SPIRE1: variants seen among roughly 807,000 people sequenced by gnomAD.
SPIRE1 encodes spire type actin nucleation factor 1.
A neutral mutation model predicts 94.1 loss-of-function variants in SPIRE1; 40 were observed. That is an observed-to-expected ratio of 0.43 (90% CI 0.33 to 0.55). The LOEUF is 0.55. SPIRE1 is among the 20% of genes least tolerant of loss of function. SPIRE1 has a pLI of 0.06. For synonymous variants in SPIRE1, 376 were observed against 371.7 expected, an observed-to-expected ratio of 1.01 and a Z score of -0.13; for missense variants, 838 against 975.2, an observed-to-expected ratio of 0.86 and a Z score of 1.87.
At chr18:12,449,939 G>A (rs543448401) in intron 16 of SPIRE1, 43 bp from the exon 17 acceptor site, 64 of 1,577,320 alleles carry the variant, frequency 4.1e-5, no homozygotes, top group Non-Finnish European at 5.2e-5. Context: ...GTTACTTATA[G>A]GTCTGCTGCA....
chr18:12,650,402 G>T (rs147132114), intron 1 of SPIRE1, among the ~76,000 whole-genome samples: 3 of 151,890 alleles, frequency 2.0e-5, no homozygotes, highest in Non-Finnish European at 4.4e-5. Flanking sequence ...TCTAAAAAAC[G>T]ATATAAAAAT....
chr18:12,593,174 A>C (rs560221220), intron 2 of SPIRE1, among the ~76,000 whole-genome samples: 1 of 152,232 alleles, frequency 6.6e-6, no homozygotes, highest in Non-Finnish European at 1.5e-5. Context: ...TTATTGCTTA[A>C]GAGAGGCTTA....
At chr18:12,523,056 A>T (rs2034408494) in intron 4 of SPIRE1, among the ~76,000 whole-genome samples, 1 of 152,238 alleles carries the variant, frequency 6.6e-6, no homozygotes, top group Admixed American at 6.5e-5. Flanking sequence ...CCTTCTGGAA[A>T]GGATTCATCA....
chr18:12,476,251 G>A (rs1302393691), intron 10 of SPIRE1, among the ~76,000 whole-genome samples: 2 of 152,074 alleles, frequency 1.3e-5, no homozygotes, highest in Non-Finnish European at 2.9e-5. Flanking sequence ...ACATTTAGAA[G>A]TTTTCAGCTG....
chr18:12,550,357 C>A (rs2035313271), intron 2 of SPIRE1, among the ~76,000 whole-genome samples: 1 of 152,142 alleles, frequency 6.6e-6, no homozygotes, highest in Admixed American at 6.6e-5. Context: ...GGTAAGGCAG[C>A]AGTTTATGTA....
chr18:12,621,937 G>C (rs1479321496), intron 2 of SPIRE1, among the ~76,000 whole-genome samples: 1 of 151,976 alleles, frequency 6.6e-6, no homozygotes, highest in Non-Finnish European at 1.5e-5. Context: ...GCTGATAATG[G>C]GTTTTTAAAA....
At chr18:12,485,191 G>A (rs867647676) in intron 9 of SPIRE1, among the ~76,000 whole-genome samples, 4 of 145,690 alleles carry the variant, frequency 2.7e-5, no homozygotes, top group Non-Finnish European at 4.5e-5. Context: ...TGCAACCTCC[G>A]CCTCCTGGCT....
chr18:12,655,905 G>C (rs939297244), intron 1 of SPIRE1, among the ~76,000 whole-genome samples: 12 of 152,014 alleles, frequency 7.9e-5, no homozygotes, highest in Non-Finnish European at 1.8e-4. Flanking sequence ...CGATATTGCT[G>C]TATTTTTTTT....
Position 12,533,700 on chromosome 18 carries a change from G to A in SPIRE1, c.729+1776C>T, listed in dbSNP as rs527666128. On this transcript the variant is annotated intron_variant, in intron 4 of 16. Coordinates refer to ENST00000409402, the MANE Select transcript of SPIRE1 (RefSeq NM_001128626.2). ...TCTAAATAAATAGATGATGAACCAG[G>A]CACTGTGCTTTATAAAGTAGCCAGG... is the stretch of plus-strand genomic sequence containing the variant. Among the ~76,000 whole-genome samples, 646 of 152,124 alleles carry A rather than the reference G, an allele frequency of 4.2e-3. 4 individuals carry two copies. Among genetic ancestry groups the A allele is most frequent in the Non-Finnish European group, 6.6e-3 (448 of 68,008 alleles).
At chr18:12,656,126 T>G (rs1241906667) in intron 1 of SPIRE1, among the ~76,000 whole-genome samples, 1 of 152,180 alleles carries the variant, frequency 6.6e-6, no homozygotes, top group African/African-American at 2.4e-5. Flanking sequence ...CTCGAACTCC[T>G]GACCTCAGGT....
intron 1 of SPIRE1, among the ~76,000 whole-genome samples, chr18:12,635,683 TAGTATTTTTCTC>T (rs1208486037): frequency 1.3e-5 from 2 of 152,170 alleles, no homozygotes. Context: ...GCACCAACAT[TAGTATTTTTCTC>T]CATCACTGAT....
At position 12,639,129 on chromosome 18, in the gene SPIRE1, A is replaced by AT. The variant is rs143232845; in HGVS notation, c.338-4034dup. Among the ~76,000 whole-genome samples the AT allele has an allele frequency of 4.6e-4, 69 of 150,650 alleles. No individual in the cohort carries two copies. In the South Asian group the frequency reaches 0.012, roughly 26 times the overall value. On this transcript the variant is annotated intron_variant, in intron 1 of 16. Transcript: ENST00000409402. ...TGGGGAAATGCATTCCTCAAAAAAAATTTTTTTTTTGAGACGGAGTCTCGC... is the reference window on the plus strand; with the variant it reads ...TGGGGAAATGCATTCCTCAAAAAAAATTTTTTTTTTTGAGACGGAGTCTCGC...
chr18:12,626,886 A>ATATAT (rs55915333), intron 2 of SPIRE1, among the ~76,000 whole-genome samples: 8,116 of 111,806 alleles, frequency 0.073, 476 homozygotes, highest in East Asian at 0.19. Context: ...ATATATATAT[A>ATATAT]TTTTTTTTTT....
chr18:12,553,242 G>T (rs527714933), intron 2 of SPIRE1, among the ~76,000 whole-genome samples: 1 of 152,308 alleles, frequency 6.6e-6, no homozygotes, highest in African/African-American at 2.4e-5. Flanking sequence ...TACCAGCTTG[G>T]CCACAGTGGG....
chr18:12,559,038 G>A lies in SPIRE1; in HGVS notation c.373-12134C>T, dbSNP rs1320838251. ...GCTTCCCCTAGTGGATCCTGCACCA[G>A]GGCGGCGGGCAGAGGTGCCCGCCAG... On this transcript the variant is annotated intron_variant, in intron 2 of 16. Coordinates refer to ENST00000409402, the MANE Select transcript of SPIRE1 (RefSeq NM_001128626.2). The surrounding 1 kb of genome is among the most constrained non-coding windows in gnomAD (Gnocchi z 4.7). Among the ~76,000 whole-genome samples, 1 of 152,182 alleles carries A rather than the reference G, an allele frequency of 6.6e-6. No individual in the cohort carries two copies. The highest frequency in any genetic ancestry group is 1.9e-4 in the East Asian group (1 of 5,170).
rs538024751 is a variant in SPIRE1 at position 12,488,720 on chromosome 18, T to C, written c.1190-2720A>G. Reference sequence around the variant, plus strand: ...ACGTCAATAAAGGGGATATGCATGTTAGATGTGGCAAATAAATCAACTATT... The same window carrying C: ...ACGTCAATAAAGGGGATATGCATGTCAGATGTGGCAAATAAATCAACTATT... On this transcript the variant is annotated intron_variant, in intron 8 of 16. Coordinates refer to ENST00000409402, the MANE Select transcript of SPIRE1 (RefSeq NM_001128626.2). Among the ~76,000 whole-genome samples the C allele has an allele frequency of 2.6e-5, 4 of 152,344 alleles. No individual in the cohort carries two copies. In the South Asian group the frequency reaches 8.3e-4, roughly 32 times the overall value.
intron 11 of SPIRE1, among the ~76,000 whole-genome samples, chr18:12,464,288 A>T (rs946467842): frequency 1.5e-5 from 2 of 130,494 alleles, no homozygotes; most frequent in Non-Finnish European, 3.2e-5. Flanking sequence ...ACTGTTTTTG[A>T]TATAATCTGT....
At chr18:12,607,437 T>A (rs1479804502) in intron 2 of SPIRE1, among the ~76,000 whole-genome samples, 1 of 152,140 alleles carries the variant, frequency 6.6e-6, no homozygotes, top group East Asian at 1.9e-4. Flanking sequence ...TTGAATGAGC[T>A]TGGTTCTATG....
intron 5 of SPIRE1, among the ~76,000 whole-genome samples, chr18:12,511,719 G>A (rs2034040597): frequency 6.6e-6 from 1 of 151,800 alleles, no homozygotes; most frequent in East Asian, 1.9e-4. Context: ...CCTTAATGAC[G>A]AGTATTTTAT....
Sources: allele counts gnomAD v4.1 joint callset (sites outside exome capture counted in the v4.1 genomes callset), GRCh38; gene constraint gnomAD v4.1.1; non-coding constraint Gnocchi (gnomAD v3.1); transcripts MANE v1.5; gene names NCBI Gene and HGNC (gene_info 2026-07-23, HGNC 2026-07-21).